Variants in XPR1 observed in about 807,000 individuals in gnomAD.
XPR1 encodes the protein xenotropic and polytropic retrovirus receptor 1, also known as solute carrier family 53 member 1.
A neutral mutation model predicts 87.5 loss-of-function variants in XPR1; 28 were observed. The observed-to-expected ratio is 0.32, with a 90% confidence interval of 0.24 to 0.44. The LOEUF (loss-of-function observed/expected upper bound fraction) is 0.44. XPR1 is among the 20% of genes least tolerant of loss of function. The probability of loss-of-function intolerance (pLI) is 1.00; values close to 1 mark genes in which losing one functional copy is unlikely to be tolerated. For missense variants in XPR1, 559 were observed against 862.3 expected, an observed-to-expected ratio of 0.65 and a Z score of 4.41; for synonymous variants, 300 against 306.1, an observed-to-expected ratio of 0.98 and a Z score of 0.21.
chr1:180,802,597 C>A (rs1352767724), intron 3 of XPR1, among the ~76,000 whole-genome samples: 3 of 152,132 alleles, frequency 2.0e-5, no homozygotes, highest in Non-Finnish European at 4.4e-5. Context: ...AGTGTATTCA[C>A]AAGGTTGTAC....
intron 2 of XPR1, among the ~76,000 whole-genome samples, chr1:180,744,810 C>T (rs1659034374): frequency 6.6e-6 from 1 of 151,830 alleles, no homozygotes; most frequent in Admixed American, 6.6e-5. Context: ...ACCACCACAC[C>T]TGGCTAGTTT....
chr1:180,690,030 C>G (rs1321047381), intron 2 of XPR1, among the ~76,000 whole-genome samples: 1 of 151,860 alleles, frequency 6.6e-6, no homozygotes. Context: ...GTGGCGCATG[C>G]CTGTAAACCT....
intron 2 of XPR1, among the ~76,000 whole-genome samples, chr1:180,751,614 A>C (rs973276193): frequency 6.6e-6 from 1 of 152,170 alleles, no homozygotes; most frequent in Non-Finnish European, 1.5e-5. Flanking sequence ...TTTTATAAAT[A>C]AAATCACAAT....
chr1:180,832,086 A>G (rs375206378), intron 9 of XPR1, among the ~76,000 whole-genome samples: 1 of 152,200 alleles, frequency 6.6e-6, no homozygotes, highest in Non-Finnish European at 1.5e-5. Context: ...AATGATTGCC[A>G]TTCTAACTGG....
At chr1:180,632,393 G>C in intron 1 of XPR1, 123 bp downstream of exon 1, 1 of 1,313,854 alleles carries the variant, frequency 7.6e-7, no homozygotes, top group Non-Finnish European at 1.1e-6. Flanking sequence ...ACCCGCTGCC[G>C]CGGGGAGCCA....
intron 2 of XPR1, among the ~76,000 whole-genome samples, chr1:180,738,435 A>G (rs1658800736): frequency 6.6e-6 from 1 of 152,168 alleles, no homozygotes; most frequent in South Asian, 2.1e-4. Context: ...AGTATGTTTT[A>G]TTTTAGCTAT....
intron 2 of XPR1, among the ~76,000 whole-genome samples, chr1:180,771,655 A>C (rs1463944850): frequency 6.6e-6 from 1 of 152,050 alleles, no homozygotes; most frequent in African/African-American, 2.4e-5. Context: ...TTTGATGCGT[A>C]TTGTGCTTTG....
intron 1 of XPR1, among the ~76,000 whole-genome samples, chr1:180,637,104 T>TA (rs1466209956): frequency 6.6e-6 from 1 of 151,128 alleles, no homozygotes; most frequent in Non-Finnish European, 1.5e-5. Context: ...CTGTTAATTT[T>TA]ACTTATTTTT....
At chr1:180,730,125 G>C (rs1009459296) in intron 2 of XPR1, among the ~76,000 whole-genome samples, 3 of 152,154 alleles carry the variant, frequency 2.0e-5, no homozygotes, top group Non-Finnish European at 4.4e-5. Context: ...AGTTATCCTA[G>C]CACCATTTAT....
intron 3 of XPR1, among the ~76,000 whole-genome samples, chr1:180,797,725 T>A (rs1227856102): frequency 6.6e-6 from 1 of 152,212 alleles, no homozygotes; most frequent in Non-Finnish European, 1.5e-5. Context: ...ATCCTTGTAT[T>A]ATTTCATTTT....
chr1:180,803,605 C>T lies in XPR1; in HGVS notation c.441C>T (p.Asn147=). The T allele has an allele frequency of 6.2e-7, 1 of 1,610,310 alleles. No individual in the cohort carries two copies. The highest frequency in any genetic ancestry group is 8.5e-7 in the Non-Finnish European group (1 of 1,178,548). The part of the protein sequence containing the change: ...EFYLSLILLQ[N]YQNLNFTGFR... ...ACCTCAGTCTAATCCTGCTGCAGAA[C>T]TATCAGGTACTTAGATTCTTACCCT... The change falls in exon 4 of 15, where the codon AAC becomes AAT. Residue 147 remains asparagine, a synonymous_variant. Coordinates refer to ENST00000367590, the MANE Select transcript of XPR1 (RefSeq NM_004736.4).
intron 1 of XPR1, among the ~76,000 whole-genome samples, chr1:180,656,630 T>TATA (rs1360321262): frequency 2.1e-5 from 2 of 93,720 alleles, no homozygotes; most frequent in African/African-American, 9.7e-5. Flanking sequence ...TTTATATATG[T>TATA]ATGTATAATA....
chr1:180,690,272 T>C (rs1327238462), intron 2 of XPR1, among the ~76,000 whole-genome samples: 2 of 152,114 alleles, frequency 1.3e-5, no homozygotes, highest in Non-Finnish European at 2.9e-5. Context: ...ATTTCAAAAT[T>C]GATATAAGGT....
intron 2 of XPR1, among the ~76,000 whole-genome samples, chr1:180,747,410 A>G (rs1450164664): frequency 6.6e-6 from 1 of 152,140 alleles, no homozygotes; most frequent in Non-Finnish European, 1.5e-5. Flanking sequence ...TACATTGTTT[A>G]TTTGTACTTA....
intron 2 of XPR1, among the ~76,000 whole-genome samples, chr1:180,751,693 A>G (rs944132228): frequency 1.3e-5 from 2 of 152,166 alleles, no homozygotes; most frequent in Non-Finnish European, 2.9e-5. Context: ...GTCACAGTGC[A>G]TACTTACTGG....
At position 180,722,682 on chromosome 1, in the gene XPR1, A is replaced by T. The variant is rs981749190; in HGVS notation, c.121+40271A>T. Among the ~76,000 whole-genome samples the T allele has an allele frequency of 3.3e-5, 5 of 152,230 alleles. No homozygotes were observed. In the East Asian group the frequency reaches 7.7e-4, roughly 23 times the overall value. On this transcript the variant is annotated intron_variant, in intron 2 of 14. Coordinates refer to ENST00000367590, the MANE Select transcript of XPR1 (RefSeq NM_004736.4). ...TCTTGCCTAAGAAAACTAAATGATC[A>T]TCAAAACACTGGTCTTAAAATAGAG...
At chr1:180,743,267 G>C (rs1658980681) in intron 2 of XPR1, among the ~76,000 whole-genome samples, 1 of 150,342 alleles carries the variant, frequency 6.7e-6, no homozygotes, top group Non-Finnish European at 1.5e-5. Flanking sequence ...TAATGTATCA[G>C]TTGTATTTTT....
At chr1:180,744,390 T>C (rs1659013559) in intron 2 of XPR1, among the ~76,000 whole-genome samples, 1 of 152,182 alleles carries the variant, frequency 6.6e-6, no homozygotes, top group Admixed American at 6.5e-5. Flanking sequence ...AGCATTCCTT[T>C]CTATTCCTTT....
At position 180,885,111 on chromosome 1, in the gene XPR1, G is replaced by T. The variant is rs923987641; in HGVS notation, c.*1045G>T. On this transcript the variant is annotated 3_prime_UTR_variant, in exon 15 of 15. Coordinates refer to ENST00000367590, the MANE Select transcript of XPR1 (RefSeq NM_004736.4). ...GGTCCCTGTAGCGTGACCTTTACTA[G>T]CTCTGAATCAGAAGACAGAGCTATT... The T allele has an allele frequency of 6.6e-6, 1 of 152,536 alleles. No individual in the cohort carries two copies. The highest frequency in any genetic ancestry group is 2.4e-5 in the African/African-American group (1 of 41,406). The allele number at this position is 152,536 out of a possible 1,614,324, so 9.4% of individuals were successfully genotyped here.
Sources: allele counts gnomAD v4.1 joint callset (sites outside exome capture counted in the v4.1 genomes callset), GRCh38; gene constraint gnomAD v4.1.1; transcripts MANE v1.5; gene names NCBI Gene and HGNC (gene_info 2026-07-23, HGNC 2026-07-21).